The following ATP8B2 variants were observed in gnomAD, a reference collection of about 807,000 sequenced individuals.
ATP8B2 encodes the protein phospholipid-transporting ATPase ID.
ATP8B2 carries 70 observed loss-of-function variants against 133.4 expected under a neutral mutation model. The ratio of observed to expected loss-of-function variants is 0.52; its 90% CI spans 0.43 to 0.64. The LOEUF is 0.64. Ranked by LOEUF, ATP8B2 falls within the 30% of genes least tolerant of loss-of-function variation. The pLI is 0.00. For missense variants in ATP8B2, 1,101 were observed against 1,535.7 expected (o/e 0.72, Z 4.73); for synonymous variants, 517 against 589.5 (o/e 0.88, Z 1.78).
At position 154,345,502 on chromosome 1, in the gene ATP8B2, T is replaced by G; in HGVS notation, c.2651T>G (p.Met884Arg). 1.9e-6 allele frequency: 3 copies of G among 1,614,190 alleles called. No individual in the cohort carries two copies. Among genetic ancestry groups the G allele is most frequent in the Non-Finnish European group, 2.5e-6 (3 of 1,180,032 alleles). ...YFFYKNFAFT[M>R]VHFWFGFFCG... ...TTCTACAAAAACTTTGCTTTCACCA[T>G]GGTCCACTTCTGGTTTGGCTTCTTC... Residue 884 changes from methionine to arginine, a missense_variant, in exon 23 of 28, where the codon ATG becomes AGG. By Grantham distance (91) the Met-to-Arg change is moderately conservative. Transcript: ENST00000368489. The surrounding 1 kb of genome is among the most constrained non-coding windows in gnomAD (Gnocchi z 5.6).
Position 154,330,831 on chromosome 1 carries a change from C to T in ATP8B2, c.107C>T (p.Thr36Ile). Reference sequence around the variant, plus strand: ...CTGCCATAGAGTAACTGCATCAAGACCTCCAAGTACAATATTCTCACCTTC... The same window carrying T: ...CTGCCATAGAGTAACTGCATCAAGATCTCCAAGTACAATATTCTCACCTTC... The part of the protein sequence containing the change: ...KFQYASNCIK[T>I]SKYNILTFLP... Residue 36 changes from threonine to isoleucine, a missense_variant, in exon 4 of 28, where the codon ACC becomes ATC. Thr to Ile is a moderately conservative substitution (Grantham distance 89). Coordinates refer to ENST00000368489, the MANE Select transcript of ATP8B2 (RefSeq NM_001370597.1). The T allele has an allele frequency of 3.7e-6, 6 of 1,613,980 alleles. No individual in the cohort carries two copies. Among genetic ancestry groups the T allele is most frequent in the Non-Finnish European group, 5.1e-6 (6 of 1,179,874 alleles).
chr1:154,342,738 TC>T, intron 14 of ATP8B2, 57 bp from the exon 15 acceptor site: 1 of 1,577,938 alleles, frequency 6.3e-7, no homozygotes, highest in Non-Finnish European at 8.7e-7. Context: ...GATGAACCCT[TC>T]CCCGGGATGC....
chr1:154,331,739 T>G lies in ATP8B2; in HGVS notation c.438+61T>G, dbSNP rs1686000583. 7 of 1,538,938 alleles carry G rather than the reference T, an allele frequency of 4.5e-6. No homozygotes were observed. The East Asian group carries it at 1.6e-4, about 35-fold the overall frequency. On this transcript the variant is annotated intron_variant, in intron 7 of 27. Coordinates refer to ENST00000368489, the MANE Select transcript of ATP8B2 (RefSeq NM_001370597.1). This position sits in a 1 kb window ranked among gnomAD's most constrained non-coding sequence, Gnocchi z 4.8. ...CTTCCTCTTCTTTGTGAGAAAAGGA[T>G]GAATCTTTCCTGATTTACTGTTGCC...
intron 12 of ATP8B2, 74 bp downstream of exon 12, chr1:154,337,618 A>G: frequency 6.2e-7 from 1 of 1,614,140 alleles, no homozygotes; most frequent in African/African-American, 1.3e-5. Flanking sequence ...TTCTATGAAG[A>G]TGAAGTCCTT....
intron 1 of ATP8B2, among the ~76,000 whole-genome samples, chr1:154,327,641 C>T (rs1185972520): frequency 6.6e-6 from 1 of 152,120 alleles, no homozygotes; most frequent in Admixed American, 6.5e-5. Flanking sequence ...ATAAGCCTTT[C>T]GAGAAGGGTG....
In ATP8B2 at chr1:154,328,552, G is replaced by A. The variant is rs1685869240; in HGVS notation, c.31+380G>A. Among the ~76,000 whole-genome samples, 2 of 152,170 alleles carry A rather than the reference G, an allele frequency of 1.3e-5. No homozygotes were observed. The highest frequency in any genetic ancestry group is 2.9e-5 in the Non-Finnish European group (2 of 68,020). Reference sequence around the variant, plus strand: ...TTTTTCCGCGGGCGGGGGTGTGTGTGTGTGAAAGCGGTTGCCCCCGACAAC... The same window carrying A: ...TTTTTCCGCGGGCGGGGGTGTGTGTATGTGAAAGCGGTTGCCCCCGACAAC... On this transcript the variant is annotated intron_variant, in intron 2 of 27. Coordinates refer to ENST00000368489, the MANE Select transcript of ATP8B2 (RefSeq NM_001370597.1). The surrounding 1 kb of genome is among the most constrained non-coding windows in gnomAD (Gnocchi z 4.6).
chr1:154,345,775 T>G lies in ATP8B2; in HGVS notation c.2695-25T>G, dbSNP rs1470718080. 1.9e-6 allele frequency: 3 copies of G among 1,577,814 alleles called. No individual in the cohort carries two copies. The highest frequency in any genetic ancestry group is 1.7e-6 in the Non-Finnish European group (2 of 1,146,990). The stretch of plus-strand genomic sequence containing the variant: ...TGTGTAGCAAAGAAAGGTTGCATGC[T>G]CCCTTGCTCCCTGTTCTCTTCCAGA... On this transcript the variant is annotated intron_variant, in intron 23 of 27. Transcript: ENST00000368489. This position sits in a 1 kb window ranked among gnomAD's most constrained non-coding sequence, Gnocchi z 5.6.
At position 154,344,053 on chromosome 1, in the gene ATP8B2, T is replaced by C. The variant is rs1339267587; in HGVS notation, c.1919T>C (p.Met640Thr). The change falls in exon 18 of 28, where the codon ATG becomes ACG. Residue 640 changes from methionine to threonine, a missense_variant. Transcript: ENST00000368489. The surrounding 1 kb of genome is among the most constrained non-coding windows in gnomAD (Gnocchi z 4.1). The part of the protein sequence containing the change: ...ASIYEEVENN[M>T]MLLGATAIED... ...ATCTATGAGGAGGTTGAGAACAACA[T>C]GATGGTACGGGCTGCGGGACGGGCC... 1.9e-6 allele frequency: 3 copies of C among 1,613,762 alleles called. No homozygotes were observed. Among genetic ancestry groups the C allele is most frequent in the Non-Finnish European group, 2.5e-6 (3 of 1,179,812 alleles).
chr1:154,330,681 T>TC, intron 3 of ATP8B2, 134 bp from the exon 4 acceptor site: 1 of 807,806 alleles, frequency 1.2e-6, no homozygotes, highest in Non-Finnish European at 2.0e-6. Flanking sequence ...TCCTCCTCTT[T>TC]CCCCCTCCCA....
At chr1:154,341,282 C>A in intron 13 of ATP8B2, 1 of 617,436 alleles carries the variant, frequency 1.6e-6, no homozygotes, top group South Asian at 1.8e-5. Flanking sequence ...CCCAGGAATG[C>A]GAGACCAGCC....
intron 13 of ATP8B2, 124 bp downstream of exon 13, chr1:154,341,186 A>G (rs1401036606): frequency 2.0e-6 from 2 of 1,019,220 alleles, no homozygotes; most frequent in Non-Finnish European, 3.0e-6. Context: ...AGGGGCCTAG[A>G]AGAAAGGGTC....
At chr1:154,336,999 T>A (rs1344201275) in intron 11 of ATP8B2, among the ~76,000 whole-genome samples, 1 of 152,052 alleles carries the variant, frequency 6.6e-6, no homozygotes, top group Non-Finnish European at 1.5e-5. Context: ...GGTTTCACCG[T>A]GTTGGCCAGG....
rs941264811 is a variant in ATP8B2 at position 154,342,963 on chromosome 1, TGGGCCGA to T, written c.1453+5_1453+11del. On this transcript the variant is annotated splice_donor_5th_base_variant and intron_variant, in intron 15 of 27. Transcript: ENST00000368489. ...TCATGTCAGAAGAAAAGAACGAAGG[TGGGCCGA>T]GGAGCCGGCTCGCACTCTCCTGACC... The T allele has an allele frequency of 6.2e-7, 1 of 1,613,720 alleles. No homozygotes were observed. Among genetic ancestry groups the T allele is most frequent in the Admixed American group, 1.7e-5 (1 of 59,990 alleles).
Position 154,344,762 on chromosome 1 carries a change from CT to C in ATP8B2, c.2264del (p.Leu755ArgfsTer3). ...GGAGGCCGTTGCTGGGGAGTACGCC[CT>C]GGTCATAAATGGTCACAGCCTGGTA... ...VLEAVAGEYA[L>X]VINGHSLAHA... On this transcript the variant is annotated frameshift_variant, in exon 21 of 28. Transcript: ENST00000368489. LOFTEE classifies it high-confidence loss of function. This position sits in a 1 kb window ranked among gnomAD's most constrained non-coding sequence, Gnocchi z 4.1. The C allele has an allele frequency of 6.2e-7, 1 of 1,604,588 alleles. No homozygotes were observed. Among genetic ancestry groups the C allele is most frequent in the Non-Finnish European group, 8.5e-7 (1 of 1,172,164 alleles).
At position 154,331,906 on chromosome 1, in the gene ATP8B2, G is replaced by T. The variant is rs772075611; in HGVS notation, c.439-48G>T. 15 of 1,560,120 alleles carry T rather than the reference G, an allele frequency of 9.6e-6. No homozygotes were observed. The Admixed American group carries it at 1.0e-4, about 10-fold the overall frequency. The stretch of plus-strand genomic sequence containing the variant: ...AAGGAGCCACCATTACAGCCCACTG[G>T]GGGTGGAGGTTTGCATATTTGGACT... On this transcript the variant is annotated intron_variant, in intron 7 of 27. Coordinates refer to ENST00000368489, the MANE Select transcript of ATP8B2 (RefSeq NM_001370597.1). The surrounding 1 kb of genome is among the most constrained non-coding windows in gnomAD (Gnocchi z 4.8).
Position 154,330,468 on chromosome 1 carries a change from G to T in ATP8B2, c.90+14G>T. The T allele has an allele frequency of 6.2e-7, 1 of 1,613,146 alleles. No homozygotes were observed. The highest frequency in any genetic ancestry group is 8.5e-7 in the Non-Finnish European group (1 of 1,179,296). ...TTCCAGTATGCGGTAAGCGACTCTAGACCACCTGTTCCCTCTCTCTGTTTG... is the reference window on the plus strand; with the variant it reads ...TTCCAGTATGCGGTAAGCGACTCTATACCACCTGTTCCCTCTCTCTGTTTG... On this transcript the variant is annotated intron_variant, in intron 3 of 27. Transcript: ENST00000368489.
rs573728518 is a variant in ATP8B2 at position 154,328,828 on chromosome 1, C to G, written c.31+656C>G. 54 of 1,040,954 alleles carry G rather than the reference C, an allele frequency of 5.2e-5. No homozygotes were observed. The African/African-American group carries it at 9.2e-4, about 18-fold the overall frequency. 64.5% of individuals were successfully genotyped at this position (1,040,954 alleles called of 1,614,324 possible). ...CGCGGTGTCCCCGAGCGCCGGCGGCCGGGAGGATGGCCTGGGCTGCGGGTG... is the reference window on the plus strand; with the variant it reads ...CGCGGTGTCCCCGAGCGCCGGCGGCGGGGAGGATGGCCTGGGCTGCGGGTG... On this transcript the variant is annotated intron_variant, in intron 2 of 27. Coordinates refer to ENST00000368489, the MANE Select transcript of ATP8B2 (RefSeq NM_001370597.1). The surrounding 1 kb of genome is among the most constrained non-coding windows in gnomAD (Gnocchi z 4.6).
rs959487855 is a variant in ATP8B2, at chr1:154,349,690, T to C, written c.*572T>C. ...TTTATGTTGTGGTTGGTGTCTTAACTCTCCTGGGAAAAGGAGGCTGGCACA... is the reference window on the plus strand; with the variant it reads ...TTTATGTTGTGGTTGGTGTCTTAACCCTCCTGGGAAAAGGAGGCTGGCACA... On this transcript the variant is annotated 3_prime_UTR_variant, in exon 28 of 28. Transcript: ENST00000368489. The C allele has an allele frequency of 6.5e-6, 1 of 154,036 alleles. No individual in the cohort carries two copies. Among genetic ancestry groups the C allele is most frequent in the Non-Finnish European group, 1.4e-5 (1 of 69,026 alleles). 9.5% of individuals were successfully genotyped at this position (154,036 alleles called of 1,614,324 possible).
chr1:154,346,265 AGCT>A lies in ATP8B2; in HGVS notation c.2815_2817del (p.Leu939del), dbSNP rs753909623. On this transcript the variant is annotated inframe_deletion, in exon 25 of 28. Transcript: ENST00000368489. The surrounding 1 kb of genome is among the most constrained non-coding windows in gnomAD (Gnocchi z 4.5). ...GAGCAGCGGAGCATGGAGTACCCTA[AGCT>A]GTATGAGCCGGGCCAGCTGAACCTT... 2 of 1,614,048 alleles carry A rather than the reference AGCT, an allele frequency of 1.2e-6. No individual in the cohort carries two copies. Among genetic ancestry groups the A allele is most frequent in the Admixed American group, 3.3e-5 (2 of 60,016 alleles).
Sources: allele counts gnomAD v4.1 joint callset (sites outside exome capture counted in the v4.1 genomes callset), GRCh38; gene constraint gnomAD v4.1.1; non-coding constraint Gnocchi (gnomAD v3.1); transcripts MANE v1.5; gene names NCBI Gene and HGNC (gene_info 2026-07-23, HGNC 2026-07-21).